The following MAGI2 variants were observed in gnomAD, a reference collection of about 807,000 sequenced individuals.
MAGI2 encodes membrane-associated guanylate kinase, WW and PDZ domain-containing protein 2.
A neutral mutation model predicts 133.3 loss-of-function variants in MAGI2; 35 were observed. The ratio of observed to expected loss-of-function variants is 0.26; its 90% CI spans 0.20 to 0.35. The LOEUF (loss-of-function observed/expected upper bound fraction) is 0.35. Ranked by LOEUF, MAGI2 falls within the 10% of genes least tolerant of loss-of-function variation. The pLI, the probability that MAGI2 is intolerant of heterozygous loss-of-function variation, is 1.00. For missense variants in MAGI2, 1,636 were observed against 1,863.4 expected, an observed-to-expected ratio of 0.88 and a Z score of 2.25; for synonymous variants, 729 against 710.6, an observed-to-expected ratio of 1.03 and a Z score of -0.41.
intron 1 of MAGI2, among the ~76,000 whole-genome samples, chr7:79,083,777 T>C (rs1016194157): frequency 6.6e-6 from 1 of 151,764 alleles, no homozygotes; most frequent in Non-Finnish European, 1.5e-5. Context: ...GTGGAATTTA[T>C]CTGTGGAAAC....
rs79607280 is a variant in MAGI2, at chr7:78,035,520, T to C, written c.3707-15544A>G. ...CCTTTAACCTCTTCCTTTCCCTTAA[T>C]CTCTCTATATAATCAGTCAATAAGT... On this transcript the variant is annotated intron_variant, in intron 21 of 21. Transcript: ENST00000354212. Among the ~76,000 whole-genome samples, 797 of 152,276 alleles carry C rather than the reference T, an allele frequency of 5.2e-3. 4 individuals are homozygous for C. The highest frequency in any genetic ancestry group is 0.018 in the African/African-American group (756 of 41,552).
chr7:79,064,855 T>C (rs1814145027), intron 1 of MAGI2, among the ~76,000 whole-genome samples: 1 of 152,086 alleles, frequency 6.6e-6, no homozygotes. Flanking sequence ...TAAATTTGTC[T>C]GTAATATTCT....
intron 2 of MAGI2, among the ~76,000 whole-genome samples, chr7:78,854,747 CA>C (rs1309471364): frequency 1.3e-5 from 2 of 151,756 alleles, no homozygotes; most frequent in African/African-American, 4.8e-5. Flanking sequence ...TTACTTTGTC[CA>C]ATGCATTATT....
rs539341962 is a variant in MAGI2, at chr7:79,138,739, C to T, written c.302-131533G>A. On this transcript the variant is annotated intron_variant, in intron 1 of 21. Coordinates refer to ENST00000354212, the MANE Select transcript of MAGI2 (RefSeq NM_012301.4). ...AGTCAAAGATGGCCAGGCGCGGTGG[C>T]TCAAGCCACCTAACCCAGCACTGTG... is the stretch of plus-strand genomic sequence containing the variant. Among the ~76,000 whole-genome samples, 7 of 152,208 alleles carry T rather than the reference C, an allele frequency of 4.6e-5. No homozygotes were observed. In the East Asian group the frequency reaches 1.4e-3, roughly 30 times the overall value.
chr7:78,154,639 T>G lies in MAGI2; in HGVS notation c.2845+5386A>C, dbSNP rs1156501131. On this transcript the variant is annotated intron_variant, in intron 16 of 21. Coordinates refer to ENST00000354212, the MANE Select transcript of MAGI2 (RefSeq NM_012301.4). ...CCACCGATACCCAAGCTGCCATGTG[T>G]GTCTACCTCATATATTCCGGCATAA... 2.0e-5 allele frequency among the ~76,000 whole-genome samples: 3 copies of G among 152,176 alleles called. No individual in the cohort carries two copies. In the East Asian group the frequency reaches 5.8e-4, roughly 29 times the overall value.
At chr7:78,524,484 C>T (rs1458497734) in intron 3 of MAGI2, among the ~76,000 whole-genome samples, 1 of 152,046 alleles carries the variant, frequency 6.6e-6, no homozygotes, top group African/African-American at 2.4e-5. Context: ...CATTGCTCAT[C>T]ACTATAGATA....
chr7:78,079,978 G>A (rs561666194), intron 20 of MAGI2, among the ~76,000 whole-genome samples: 125 of 152,302 alleles, frequency 8.2e-4, no homozygotes, highest in African/African-American at 2.8e-3. Context: ...AAAGCACAAC[G>A]AGTTGCTTTG....
chr7:78,023,747 A>C (rs1215416838), intron 21 of MAGI2, among the ~76,000 whole-genome samples: 1 of 152,066 alleles, frequency 6.6e-6, no homozygotes, highest in African/African-American at 2.4e-5. Context: ...AATCCAGAGG[A>C]CTCTGTATTC....
At chr7:78,232,425 T>C (rs1790076752) in intron 10 of MAGI2, among the ~76,000 whole-genome samples, 1 of 152,220 alleles carries the variant, frequency 6.6e-6, no homozygotes, top group Non-Finnish European at 1.5e-5. Flanking sequence ...ACAATACATG[T>C]GAGCAAGGCT....
rs1797968165 is a variant in MAGI2 at position 78,536,732 on chromosome 7, A to G, written c.539-15087T>C. ...TCAGGATTTCTTTTTAAAAAATTTC[A>G]ATAGTTTTTTTTTTGTTTTTGTTGT... On this transcript the variant is annotated intron_variant, in intron 3 of 21. Transcript: ENST00000354212. Among the ~76,000 whole-genome samples the G allele has an allele frequency of 2.0e-5, 3 of 147,588 alleles. No homozygotes were observed. In the Admixed American group the frequency reaches 2.0e-4, roughly 10 times the overall value.
At chr7:78,265,130 C>T (rs1793873210) in intron 9 of MAGI2, among the ~76,000 whole-genome samples, 1 of 151,982 alleles carries the variant, frequency 6.6e-6, no homozygotes, top group Admixed American at 6.6e-5. Context: ...ACAATTACTC[C>T]CTACCAGATG....
intron 6 of MAGI2, among the ~76,000 whole-genome samples, chr7:78,429,348 C>A (rs1584067489): frequency 6.6e-6 from 1 of 151,930 alleles, no homozygotes; most frequent in Non-Finnish European, 1.5e-5. Context: ...CAATTCCAAG[C>A]ATTTGTGAGA....
At chr7:79,266,315 T>A (rs1417787990) in intron 1 of MAGI2, among the ~76,000 whole-genome samples, 5 of 145,776 alleles carry the variant, frequency 3.4e-5, no homozygotes, top group African/African-American at 5.1e-5. Flanking sequence ...CGGGTGTGAC[T>A]TTTTGCTCAT....
intron 3 of MAGI2, among the ~76,000 whole-genome samples, chr7:78,579,206 A>T (rs1018843143): frequency 3.3e-5 from 5 of 152,236 alleles, no homozygotes; most frequent in African/African-American, 1.2e-4. Context: ...ACCAAGTTTG[A>T]GGAGTGCAAG....
chr7:78,242,021 C>G lies in MAGI2; in HGVS notation c.2047+13922G>C, dbSNP rs114555124. 8.8e-3 allele frequency among the ~76,000 whole-genome samples: 1,340 copies of G among 152,058 alleles called. 17 individuals are homozygous for G. Among genetic ancestry groups the G allele is most frequent in the African/African-American group, 0.031 (1,286 of 41,448 alleles). On this transcript the variant is annotated intron_variant, in intron 10 of 21. Transcript: ENST00000354212. ...CTTGATGTGCAGGTCAGGGTATAGA[C>G]AGCACATAAGGAATAGCAAGGGCAG...
chr7:78,989,429 G>T (rs1805552185), intron 2 of MAGI2, among the ~76,000 whole-genome samples: 1 of 151,980 alleles, frequency 6.6e-6, no homozygotes, highest in South Asian at 2.1e-4. Context: ...ATTCTACAGG[G>T]TTGATGGAAG....
chr7:78,548,492 C>G (rs1799057737), intron 3 of MAGI2, among the ~76,000 whole-genome samples: 1 of 152,066 alleles, frequency 6.6e-6, no homozygotes, highest in South Asian at 2.1e-4. Context: ...GTCAGGAATT[C>G]CACATCAGCC....
intron 1 of MAGI2, among the ~76,000 whole-genome samples, chr7:79,433,014 C>A (rs993443522): frequency 1.3e-5 from 2 of 152,158 alleles, no homozygotes; most frequent in Non-Finnish European, 2.9e-5. Flanking sequence ...GGCAAAGAAA[C>A]AGACCACACT....
At chr7:78,745,042 C>A (rs1324362464) in intron 2 of MAGI2, among the ~76,000 whole-genome samples, 1 of 152,170 alleles carries the variant, frequency 6.6e-6, no homozygotes, top group East Asian at 1.9e-4. Flanking sequence ...ACCAAGAGAA[C>A]TTCTGCATTT....
Sources: gnomAD v4.1 joint callset for allele counts (sites outside exome capture counted in the v4.1 genomes callset) on GRCh38, gnomAD v4.1.1 for gene constraint, MANE v1.5 for transcripts, NCBI Gene and HGNC (gene_info 2026-07-23, HGNC 2026-07-21) for gene names.